Variants in HIVEP3 observed in about 807,000 individuals in gnomAD.
HIVEP3 encodes the protein transcription factor HIVEP3.
HIVEP3 carries 49 observed loss-of-function variants against 152.8 expected under a neutral mutation model. The observed-to-expected ratio is 0.32, with a 90% CI of 0.26 to 0.41. HIVEP3 has a LOEUF of 0.41. Ranked by LOEUF, HIVEP3 falls within the 10% of genes least tolerant of loss-of-function variation. The probability of loss-of-function intolerance (pLI) is 1.00; values close to 1 mark genes in which losing one functional copy is unlikely to be tolerated. For missense variants in HIVEP3, 2,790 were observed against 3,103.3 expected, an observed-to-expected ratio of 0.90 and a Z score of 2.40; for synonymous variants, 1,269 against 1,289.0, an observed-to-expected ratio of 0.98 and a Z score of 0.33.
intron 1 of HIVEP3, among the ~76,000 whole-genome samples, chr1:41,947,115 A>G (rs1313249167): frequency 3.9e-5 from 6 of 151,948 alleles, no homozygotes; most frequent in Non-Finnish European, 8.8e-5. Flanking sequence ...ATCTCAACTC[A>G]CCTGGATTGT....
intron 2 of HIVEP3, among the ~76,000 whole-genome samples, chr1:41,638,325 A>G (rs1435988997): frequency 0.049 from 2,288 of 47,034 alleles, 19 homozygotes; most frequent in Non-Finnish European, 0.071. Flanking sequence ...AAGGAAAGAA[A>G]GAAAGAAAGG....
At chr1:41,567,542 A>G (rs1419873371) in intron 5 of HIVEP3, among the ~76,000 whole-genome samples, 3 of 152,192 alleles carry the variant, frequency 2.0e-5, no homozygotes, top group East Asian at 3.8e-4. Flanking sequence ...CCTGAGAATT[A>G]AAGAGAGAGC....
chr1:41,906,455 A>T (rs1442703578), intron 1 of HIVEP3, among the ~76,000 whole-genome samples: 1 of 152,204 alleles, frequency 6.6e-6, no homozygotes, highest in Admixed American at 6.5e-5. Flanking sequence ...TGCATATTTT[A>T]TGATTTTAGC....
chr1:41,623,596 T>A (rs975424986), intron 3 of HIVEP3, among the ~76,000 whole-genome samples: 2 of 152,206 alleles, frequency 1.3e-5, no homozygotes, highest in African/African-American at 4.8e-5. Flanking sequence ...CTCTCTTCCT[T>A]GCACCCACTG....
intron 3 of HIVEP3, among the ~76,000 whole-genome samples, chr1:41,602,290 A>G (rs1357389006): frequency 6.6e-6 from 1 of 151,792 alleles, no homozygotes; most frequent in African/African-American, 2.4e-5. Context: ...CTCCTCTTCA[A>G]TTTTTTTTGG....
intron 6 of HIVEP3, among the ~76,000 whole-genome samples, chr1:41,522,434 C>T (rs1346542621): frequency 6.6e-6 from 1 of 152,220 alleles, no homozygotes; most frequent in African/African-American, 2.4e-5. Flanking sequence ...CTTCTAGAAG[C>T]CCCTGTGAAC....
Position 41,582,134 on chromosome 1 carries a change from C to A in HIVEP3, c.2664G>T (p.Gln888His). 6.2e-7 allele frequency: 1 copy of A among 1,614,044 alleles called. No individual in the cohort carries two copies. Among genetic ancestry groups the A allele is most frequent in the Non-Finnish European group, 8.5e-7 (1 of 1,179,964 alleles). Residue 888 changes from glutamine (Q) to histidine (H), a missense_variant, in exon 4 of 9, where the codon CAG (glutamine) becomes CAT (histidine). By Grantham distance (24) the Gln-to-His change is conservative. Transcript: ENST00000372583. This position sits in a 1 kb window ranked among gnomAD's most constrained non-coding sequence, Gnocchi z 4.7. ...GGAGCTGGGCAAGTGTCTGGCTGCG[C>A]TGGGGCCATTGGAACTCCTCAGTCT... ...PEKTEEFQWP[Q>H]RSQTLAQLPA...
At chr1:41,817,891 G>A (rs1292887790) in intron 1 of HIVEP3, among the ~76,000 whole-genome samples, 2 of 152,162 alleles carry the variant, frequency 1.3e-5, no homozygotes, top group Non-Finnish European at 2.9e-5. Flanking sequence ...GAAAGCAGGT[G>A]GGGAGGGAGG....
rs373052684 is a variant in HIVEP3, at chr1:41,581,187, T to A, written c.3611A>T (p.His1204Leu). The A allele has an allele frequency of 4.9e-5, 76 of 1,547,592 alleles. No homozygotes were observed. Among genetic ancestry groups the A allele is most frequent in the Non-Finnish European group, 6.4e-5 (74 of 1,147,350 alleles). The change falls in exon 4 of 9, where the codon CAT becomes CTT. Residue 1204 changes from histidine (H) to leucine (L), a missense_variant. This residue lies in a region of HIVEP3 where 1,078 missense variants were observed against 1,165.3 expected (regional missense o/e 0.93). Coordinates refer to ENST00000372583, the MANE Select transcript of HIVEP3 (RefSeq NM_024503.5). This position sits in a 1 kb window ranked among gnomAD's most constrained non-coding sequence, Gnocchi z 4.5. ...TGGGTGAGGCATGAGCTGGGGGAGA[T>A]GGAGTTGGCCTGGGTGCAGAACAGT... ...QPTVLHPGQL[H>L]LPQLMPHPAN...
Position 41,662,771 on chromosome 1 carries a change from G to C in HIVEP3, c.-720-33824C>G, listed in dbSNP as rs1399794291. On this transcript the variant is annotated intron_variant, in intron 2 of 8. Transcript: ENST00000372583. The surrounding 1 kb of genome is among the most constrained non-coding windows in gnomAD (Gnocchi z 7.2). ...CTGGGCCCTCTAGGGAGGGCAGACA[G>C]GGAAGCCCCTGTCGCCGCCGCCGGG... Among the ~76,000 whole-genome samples, 1 of 151,102 alleles carries C rather than the reference G, an allele frequency of 6.6e-6. No homozygotes were observed. The highest frequency in any genetic ancestry group is 2.0e-4 in the East Asian group (1 of 5,056).
intron 3 of HIVEP3, among the ~76,000 whole-genome samples, chr1:41,614,514 C>T (rs1216810203): frequency 2.0e-5 from 3 of 152,228 alleles, no homozygotes; most frequent in East Asian, 1.9e-4. Context: ...CTGAGCAGAG[C>T]CAAGCATGCT....
At position 41,580,028 on chromosome 1, in the gene HIVEP3, CTTT is replaced by C. The variant is rs753361017; in HGVS notation, c.4767_4769del (p.Lys1591del). 3 of 1,614,234 alleles carry C rather than the reference CTTT, an allele frequency of 1.9e-6. No individual in the cohort carries two copies. The highest frequency in any genetic ancestry group is 1.7e-5 in the Admixed American group (1 of 60,024). On this transcript the variant is annotated inframe_deletion, in exon 4 of 9. Transcript: ENST00000372583. ...GGAGGCTGGGGAACTGCAGTACCTT[CTTT>C]GAGTCCGTACCTTCTTGTGACTTGG...
upstream of HIVEP3, among the ~76,000 whole-genome samples, chr1:41,923,769 T>C (rs1040058587): frequency 6.6e-6 from 1 of 152,212 alleles, no homozygotes; most frequent in African/African-American, 2.4e-5. Flanking sequence ...CATAAATATA[T>C]ACAAGTGTTA....
chr1:41,900,968 A>T (rs770392768), intron 1 of HIVEP3, among the ~76,000 whole-genome samples: 2 of 152,120 alleles, frequency 1.3e-5, no homozygotes, highest in Non-Finnish European at 2.9e-5. Context: ...GGAAGGGTCA[A>T]GGCAGGATGT....
At chr1:41,676,107 A>C (rs1234308068) in intron 2 of HIVEP3, among the ~76,000 whole-genome samples, 1 of 151,408 alleles carries the variant, frequency 6.6e-6, no homozygotes, top group Non-Finnish European at 1.5e-5. Flanking sequence ...GTTGGAGTGC[A>C]GTGGCACCAT....
chr1:41,734,807 G>A (rs1646892737), intron 1 of HIVEP3, among the ~76,000 whole-genome samples: 1 of 152,214 alleles, frequency 6.6e-6, no homozygotes, highest in African/African-American at 2.4e-5. Flanking sequence ...AACGTGGGTG[G>A]CTGCTTGATG....
intron 1 of HIVEP3, among the ~76,000 whole-genome samples, chr1:41,758,976 T>C (rs1270225831): frequency 6.6e-6 from 1 of 152,160 alleles, no homozygotes; most frequent in Non-Finnish European, 1.5e-5. Flanking sequence ...TTAACCATTT[T>C]AAAGTATAAA....
At chr1:41,675,852 A>G (rs926744707) in intron 2 of HIVEP3, among the ~76,000 whole-genome samples, 1 of 152,338 alleles carries the variant, frequency 6.6e-6, no homozygotes, top group Admixed American at 6.5e-5. Context: ...GAACCAGGCC[A>G]CAGGCTCTGC....
chr1:41,532,037 T>C lies in HIVEP3; in HGVS notation c.5208-7127A>G, dbSNP rs1382939292. On this transcript the variant is annotated intron_variant, in intron 5 of 8. Transcript: ENST00000372583. ...CAGGAGAGATGGAAGACAGGGGAGA[T>C]AGAGGACAGGAGAGATGGAGGACAG... is the stretch of plus-strand genomic sequence containing the variant. 1.3e-4 allele frequency among the ~76,000 whole-genome samples: 10 copies of C among 75,284 alleles called. 1 individual carries two copies. The highest frequency in any genetic ancestry group is 5.0e-4 in the African/African-American group (9 of 18,078). 49.4% of individuals were successfully genotyped at this position (75,284 alleles called of 152,430 possible). A position where few individuals can be genotyped will look rare whatever the true frequency, so the allele number is the denominator to read the frequency against.
Sources: gnomAD v4.1 joint callset for allele counts (sites outside exome capture counted in the v4.1 genomes callset) on GRCh38, gnomAD v4.1.1 for gene constraint, gnomAD v4.1.1 regional missense constraint, Gnocchi (gnomAD v3.1) non-coding constraint, MANE v1.5 for transcripts, NCBI Gene and HGNC (gene_info 2026-07-23, HGNC 2026-07-21) for gene names.